Variants in FGF14 observed in about 807,000 individuals in gnomAD.
FGF14 encodes fibroblast growth factor homologous factor 4.
FGF14 carries 5 observed loss-of-function variants against 25.5 expected under a neutral mutation model. The observed-to-expected ratio is 0.20, with a 90% CI of 0.10 to 0.41. The LOEUF (loss-of-function observed/expected upper bound fraction) is 0.41, where lower values mean the gene tolerates loss of function less well. Ranked by LOEUF, FGF14 falls within the 10% of genes least tolerant of loss-of-function variation. FGF14 has a pLI of 1.00. For missense variants in FGF14, 222 were observed against 320.1 expected, an observed-to-expected ratio of 0.69 and a Z score of 2.34; for synonymous variants, 138 against 118.3, an observed-to-expected ratio of 1.17 and a Z score of -1.08.
chr13:101,858,998 G>A (rs1022625807), intron 3 of FGF14, among the ~76,000 whole-genome samples: 17 of 152,052 alleles, frequency 1.1e-4, no homozygotes, highest in Non-Finnish European at 2.2e-4. Context: ...TTGAACATCT[G>A]CCTCTGTGTC....
intron 3 of FGF14, among the ~76,000 whole-genome samples, chr13:101,751,224 TGGC>T (rs2037251636): frequency 6.6e-6 from 1 of 152,172 alleles, no homozygotes; most frequent in African/African-American, 2.4e-5. Flanking sequence ...TTATCAATAT[TGGC>T]TCGTTCATTA....
chr13:102,288,171 A>G (rs940496470), intron 1 of FGF14, among the ~76,000 whole-genome samples: 1 of 152,316 alleles, frequency 6.6e-6, no homozygotes, highest in East Asian at 1.9e-4. Flanking sequence ...TCATAATTAG[A>G]AAAGGCTAAT....
At chr13:101,982,776 T>A (rs2038344543) in intron 1 of FGF14, among the ~76,000 whole-genome samples, 1 of 152,198 alleles carries the variant, frequency 6.6e-6, no homozygotes, top group African/African-American at 2.4e-5. Context: ...AAAACCTTAT[T>A]TATTGTCTGA....
At chr13:102,178,478 T>C (rs1428889362) in intron 1 of FGF14, among the ~76,000 whole-genome samples, 3 of 152,198 alleles carry the variant, frequency 2.0e-5, no homozygotes, top group African/African-American at 4.8e-5. Context: ...GTCTGGACTT[T>C]TAATGTAACC....
chr13:101,993,777 A>T (rs1406038684), intron 1 of FGF14, among the ~76,000 whole-genome samples: 1 of 151,990 alleles, frequency 6.6e-6, no homozygotes, highest in Non-Finnish European at 1.5e-5. Context: ...AGGCAAAAAA[A>T]TGGAGGAAAA....
chr13:101,988,495 A>G (rs917336095), intron 1 of FGF14, among the ~76,000 whole-genome samples: 3 of 152,002 alleles, frequency 2.0e-5, no homozygotes, highest in Non-Finnish European at 4.4e-5. Context: ...AGAAAATGTG[A>G]CACATATACA....
intron 3 of FGF14, among the ~76,000 whole-genome samples, chr13:101,868,014 T>C (rs899901248): frequency 6.6e-6 from 1 of 152,054 alleles, no homozygotes; most frequent in African/African-American, 2.4e-5. Context: ...TTTCAACGAA[T>C]TTACATGAGG....
At chr13:101,799,998 G>T (rs1480391818) in intron 3 of FGF14, among the ~76,000 whole-genome samples, 1 of 152,102 alleles carries the variant, frequency 6.6e-6, no homozygotes, top group African/African-American at 2.4e-5. Context: ...TACATAGAAG[G>T]AATGTCGATT....
At chr13:102,249,552 GT>G (rs1300614094) in intron 1 of FGF14, among the ~76,000 whole-genome samples, 3 of 45,974 alleles carry the variant, frequency 6.5e-5, no homozygotes, top group East Asian at 1.5e-3. Context: ...TGAGAGGGGT[GT>G]GTGTGTGTGT....
At chr13:102,129,705 G>T (rs181065432) in intron 1 of FGF14, among the ~76,000 whole-genome samples, 1 of 151,976 alleles carries the variant, frequency 6.6e-6, no homozygotes. Flanking sequence ...GGGTAGGGGG[G>T]AGGGATAGCA....
At chr13:101,968,907 G>C (rs943561975) in intron 1 of FGF14, among the ~76,000 whole-genome samples, 2 of 150,786 alleles carry the variant, frequency 1.3e-5, no homozygotes, top group African/African-American at 4.9e-5. Flanking sequence ...AAAAAGCTGG[G>C]GGTTTGGAAG....
At chr13:101,912,714 TA>T (rs1013492039) in intron 1 of FGF14, among the ~76,000 whole-genome samples, 17 of 152,138 alleles carry the variant, frequency 1.1e-4, no homozygotes, top group Admixed American at 3.3e-4. Context: ...CTAATTCTCT[TA>T]AAAAAAGATA....
chr13:101,845,666 C>G (rs948399930), intron 3 of FGF14, among the ~76,000 whole-genome samples: 1 of 151,874 alleles, frequency 6.6e-6, no homozygotes, highest in African/African-American at 2.4e-5. Flanking sequence ...GACTTGTAAA[C>G]AAATGCTTAT....
At chr13:102,354,891 A>C (rs2057379688) in intron 1 of FGF14, among the ~76,000 whole-genome samples, 2 of 152,098 alleles carry the variant, frequency 1.3e-5, no homozygotes, top group South Asian at 4.2e-4. Flanking sequence ...TTCATCCCTC[A>C]AGACCTAGTT....
intron 1 of FGF14, among the ~76,000 whole-genome samples, chr13:102,065,655 T>A (rs1293993696): frequency 6.6e-6 from 1 of 152,088 alleles, no homozygotes; most frequent in Non-Finnish European, 1.5e-5. Context: ...AATAATACTG[T>A]CAATCCTCAG....
chr13:101,775,489 A>C (rs574450374), intron 3 of FGF14, among the ~76,000 whole-genome samples: 1 of 151,280 alleles, frequency 6.6e-6, no homozygotes, highest in Admixed American at 6.6e-5. Context: ...AGGAGAAAAC[A>C]CACTCTTGTG....
intron 1 of FGF14, among the ~76,000 whole-genome samples, chr13:102,191,405 T>C (rs2049118313): frequency 6.6e-6 from 1 of 152,184 alleles, no homozygotes. Context: ...GAAGTTTTTG[T>C]AAAGCCTCTT....
intron 1 of FGF14, among the ~76,000 whole-genome samples, chr13:102,071,868 C>T (rs868479427): frequency 5.3e-5 from 8 of 152,264 alleles, no homozygotes; most frequent in East Asian, 3.9e-4. Context: ...TTGTAATAGA[C>T]GCAATCTGCT....
At position 102,298,641 on chromosome 13, in the gene FGF14, C is replaced by CT. The variant is rs370516094; in HGVS notation, c.208+102829dup. On this transcript the variant is annotated intron_variant, in intron 1 of 4. Transcript: ENST00000376131. ...TAAATGCGTTGTGCACTTCTGTCAC[C>CT]TTTTTTTCCCTGGTGGACTCTAGAC... Among the ~76,000 whole-genome samples the CT allele has an allele frequency of 4.6e-5, 7 of 152,056 alleles. 1 individual carries two copies. The highest frequency in any genetic ancestry group is 7.2e-5 in the African/African-American group (3 of 41,488).
Sources: allele counts gnomAD v4.1 joint callset (sites outside exome capture counted in the v4.1 genomes callset), GRCh38; gene constraint gnomAD v4.1.1; transcripts MANE v1.5; gene names NCBI Gene and HGNC (gene_info 2026-07-23, HGNC 2026-07-21).